Variants in KCNMA1 observed in about 807,000 individuals in gnomAD.
KCNMA1 encodes the protein Calcium-activated potassium channel subunit alpha-1.
Under a neutral mutation model 140.0 loss-of-function variants are expected in KCNMA1, and 29 were observed. The ratio of observed to expected loss-of-function variants is 0.21; its 90% confidence interval spans 0.15 to 0.28. The LOEUF (loss-of-function observed/expected upper bound fraction) is 0.28. Ranked by LOEUF, KCNMA1 falls within the 10% of genes least tolerant of loss-of-function variation. The pLI, the probability that KCNMA1 is intolerant of heterozygous loss-of-function variation, is 1.00. For missense variants in KCNMA1, 880 were observed against 1,602.2 expected, an observed-to-expected ratio of 0.55 and a Z score of 7.70; for synonymous variants, 612 against 611.9, an observed-to-expected ratio of 1.00 and a Z score of 0.00.
At chr10:76,983,190 G>A (rs185219596) in intron 19 of KCNMA1, among the ~76,000 whole-genome samples, 16 of 152,306 alleles carry the variant, frequency 1.1e-4, no homozygotes, top group Admixed American at 1.0e-3. Context: ...GATTCACTGA[G>A]AAGAAAATGT....
chr10:77,059,992 T>TTTTTG (rs1209134083), intron 14 of KCNMA1, among the ~76,000 whole-genome samples: 1 of 152,172 alleles, frequency 6.6e-6, no homozygotes, highest in East Asian at 1.9e-4. Flanking sequence ...AAAACTTACA[T>TTTTTG]ATAAATCTAA....
intron 19 of KCNMA1, among the ~76,000 whole-genome samples, chr10:76,984,225 C>T (rs985732773): frequency 6.0e-5 from 9 of 150,628 alleles, no homozygotes; most frequent in Admixed American, 4.6e-4. Flanking sequence ...GACGGAGTCT[C>T]GCTCTGTCAC....
chr10:77,310,178 G>A (rs559016354), intron 2 of KCNMA1, among the ~76,000 whole-genome samples: 1 of 152,306 alleles, frequency 6.6e-6, no homozygotes, highest in East Asian at 1.9e-4. Flanking sequence ...AATTTAGACA[G>A]CGTGCACTAG....
Position 76,887,506 on chromosome 10 carries a change from G to A in KCNMA1, c.3471C>T (p.Ile1157=), listed in dbSNP as rs200321180. 4.3e-5 allele frequency: 69 copies of A among 1,614,036 alleles called. No homozygotes were observed. Among genetic ancestry groups the A allele is most frequent in the Non-Finnish European group, 4.8e-5 (57 of 1,180,030 alleles). Residue 1157 remains isoleucine, a synonymous_variant, in exon 28 of 28, where the codon ATC becomes ATT. Coordinates refer to ENST00000286628, the MANE Select transcript of KCNMA1 (RefSeq NM_001161352.2). ...GCTCAAACTCATAGGGCGGGTTGGT[G>A]ATGACATACCTGGACAGGGAAAGCA... The part of the protein sequence containing the change: ...TPSQCTKRYV[I]TNPPYEFELV...
intron 3 of KCNMA1, among the ~76,000 whole-genome samples, chr10:77,225,234 G>GGCATTACA (rs1271523286): frequency 2.2e-4 from 33 of 152,104 alleles, no homozygotes; most frequent in Non-Finnish European, 7.4e-5. Flanking sequence ...GGGGAGACTG[G>GGCATTACA]GCATTACAGC....
chr10:77,154,070 G>A (rs1269228098), intron 5 of KCNMA1, among the ~76,000 whole-genome samples: 2 of 152,096 alleles, frequency 1.3e-5, no homozygotes, highest in African/African-American at 4.8e-5. Flanking sequence ...CACGGGGGCG[G>A]TTTCCCTCAT....
intron 1 of KCNMA1, among the ~76,000 whole-genome samples, chr10:77,622,439 C>T (rs2091627684): frequency 6.6e-6 from 1 of 152,226 alleles, no homozygotes; most frequent in Non-Finnish European, 1.5e-5. Context: ...TGGCTCTGCT[C>T]CTCACCTGTG....
chr10:77,136,520 T>C (rs2154006454), intron 5 of KCNMA1, among the ~76,000 whole-genome samples: 1 of 150,934 alleles, frequency 6.6e-6, no homozygotes, highest in East Asian at 2.0e-4. Context: ...ACACTAAAAA[T>C]AATTAAAATG....
intron 2 of KCNMA1, among the ~76,000 whole-genome samples, chr10:77,368,666 A>G (rs1603430620): frequency 6.6e-6 from 1 of 152,362 alleles, no homozygotes; most frequent in East Asian, 1.9e-4. Context: ...TTATAGTTTT[A>G]CACTTATATC....
At chr10:76,900,140 T>C (rs2044468299) in intron 25 of KCNMA1, among the ~76,000 whole-genome samples, 1 of 152,112 alleles carries the variant, frequency 6.6e-6, no homozygotes, top group South Asian at 2.1e-4. Flanking sequence ...GTAGAGATCA[T>C]TTTTATTATT....
intron 2 of KCNMA1, among the ~76,000 whole-genome samples, chr10:77,296,912 CG>C (rs1555163887): frequency 7.3e-6 from 1 of 136,590 alleles, no homozygotes; most frequent in Non-Finnish European, 1.6e-5. Flanking sequence ...GGTGTGTGGG[CG>C]GGGGGGCGGT....
intron 3 of KCNMA1, among the ~76,000 whole-genome samples, chr10:77,214,270 C>T (rs1598907248): frequency 6.6e-6 from 1 of 152,188 alleles, no homozygotes; most frequent in South Asian, 2.1e-4. Flanking sequence ...TCTCCTCCAA[C>T]CTCCCATGTT....
At chr10:77,373,836 G>A (rs1386603331) in intron 2 of KCNMA1, 6 of 152,144 alleles carry the variant, frequency 3.9e-5, no homozygotes, top group African/African-American at 1.2e-4. Context: ...TGTGAAAAAG[G>A]TACCACTTTC....
chr10:77,475,288 G>A (rs1023573891), intron 1 of KCNMA1, among the ~76,000 whole-genome samples: 3 of 152,178 alleles, frequency 2.0e-5, no homozygotes, highest in Admixed American at 1.3e-4. Flanking sequence ...TCCCCAAGGG[G>A]CAACTCCCTG....
intron 2 of KCNMA1, among the ~76,000 whole-genome samples, chr10:77,358,365 T>C (rs1464828383): frequency 6.6e-6 from 1 of 152,074 alleles, no homozygotes; most frequent in East Asian, 1.9e-4. Context: ...CTGTAGTAGA[T>C]ATTATTAAAT....
chr10:77,215,892 CCTCTCTCCT>C (rs1358830317), intron 3 of KCNMA1, among the ~76,000 whole-genome samples: 26 of 132,492 alleles, frequency 2.0e-4, no homozygotes, highest in South Asian at 1.7e-3. Flanking sequence ...CTCTCTCTCT[CCTCTCTCCT>C]CTCTCCTCTC....
At chr10:76,892,272 A>G (rs1275101393) in intron 25 of KCNMA1, among the ~76,000 whole-genome samples, 1 of 152,350 alleles carries the variant, frequency 6.6e-6, no homozygotes, top group African/African-American at 2.4e-5. Context: ...GGATAAATTT[A>G]TGAAAAGGTG....
intron 3 of KCNMA1, among the ~76,000 whole-genome samples, chr10:77,200,642 G>GAAA (rs34553224): frequency 1.6e-4 from 24 of 145,846 alleles, no homozygotes; most frequent in Non-Finnish European, 2.0e-4. Context: ...TAATCTTCTG[G>GAAA]AAAAAAAAAA....
intron 5 of KCNMA1, among the ~76,000 whole-genome samples, chr10:77,136,660 T>C (rs1352807275): frequency 6.6e-6 from 1 of 150,466 alleles, no homozygotes; most frequent in Non-Finnish European, 1.5e-5. Context: ...AAACTATAGG[T>C]ATGTGTAAAA....
Sources: allele counts gnomAD v4.1 joint callset (sites outside exome capture counted in the v4.1 genomes callset), GRCh38; gene constraint gnomAD v4.1.1; transcripts MANE v1.5; gene names NCBI Gene and HGNC (gene_info 2026-07-23, HGNC 2026-07-21).